APBB2: variants seen among roughly 807,000 people sequenced by gnomAD.
The protein encoded by APBB2 is Fe65-like 1.
APBB2 carries 38 observed loss-of-function variants against 82.5 expected under a neutral mutation model. That is an observed-to-expected ratio of 0.46 (90% confidence interval 0.36 to 0.60). APBB2 has a LOEUF of 0.60. Among genes scored for constraint, APBB2 ranks in the 20% least tolerant of loss-of-function variants. APBB2 has a pLI of 0.00. For missense variants in APBB2, 772 were observed against 972.3 expected (o/e 0.79, Z 2.74); for synonymous variants, 341 against 368.2 (o/e 0.93, Z 0.85).
At chr4:40,884,398 T>C (rs1314943542) in intron 12 of APBB2, among the ~76,000 whole-genome samples, 1 of 152,206 alleles carries the variant, frequency 6.6e-6, no homozygotes, top group East Asian at 1.9e-4. Context: ...AATTAAGCAG[T>C]GTTTTCAAAA....
At chr4:41,149,120 C>T (rs1037753258) in intron 1 of APBB2, among the ~76,000 whole-genome samples, 3 of 152,058 alleles carry the variant, frequency 2.0e-5, no homozygotes, top group African/African-American at 7.2e-5. Context: ...TGAGGGATTA[C>T]AATTTATGTG....
chr4:40,835,376 G>T (rs2154306490), intron 12 of APBB2, among the ~76,000 whole-genome samples: 1 of 152,236 alleles, frequency 6.6e-6, no homozygotes, highest in Non-Finnish European at 1.5e-5. Context: ...TAAGGTTCCA[G>T]CCTTGCAAGC....
At chr4:40,894,056 A>T (rs1317189785) in intron 10 of APBB2, among the ~76,000 whole-genome samples, 1 of 151,888 alleles carries the variant, frequency 6.6e-6, no homozygotes, top group Non-Finnish European at 1.5e-5. Context: ...TGGGAGGCCG[A>T]GGTAGGCAGA....
intron 4 of APBB2, among the ~76,000 whole-genome samples, chr4:41,048,704 G>A (rs941064485): frequency 8.3e-6 from 1 of 120,776 alleles, no homozygotes; most frequent in South Asian, 3.1e-4. Flanking sequence ...CTCCTTCCAC[G>A]GTCTCCCTCT....
intron 6 of APBB2, among the ~76,000 whole-genome samples, chr4:41,012,780 GT>G (rs1333319445): frequency 6.6e-6 from 1 of 152,214 alleles, no homozygotes; most frequent in East Asian, 1.9e-4. Flanking sequence ...CTGAGTGCTT[GT>G]TTACGCTGAA....
chr4:40,902,731 T>C (rs1775668754), intron 10 of APBB2, among the ~76,000 whole-genome samples: 1 of 152,154 alleles, frequency 6.6e-6, no homozygotes, highest in South Asian at 2.1e-4. Context: ...GATCTTGCCA[T>C]GTTGCCCAGG....
chr4:41,108,642 TACACTGA>T (rs1748092067), intron 2 of APBB2, among the ~76,000 whole-genome samples: 1 of 152,170 alleles, frequency 6.6e-6, no homozygotes. Flanking sequence ...TTTCCAGATT[TACACTGA>T]CCAAACACCC....
At chr4:41,018,738 G>A (rs2154432222) in intron 5 of APBB2, among the ~76,000 whole-genome samples, 1 of 152,292 alleles carries the variant, frequency 6.6e-6, no homozygotes, top group East Asian at 1.9e-4. Context: ...AGTGGAAAGA[G>A]GTACACAGAC....
At chr4:40,921,872 G>C (rs1003936969) in intron 10 of APBB2, among the ~76,000 whole-genome samples, 1 of 152,178 alleles carries the variant, frequency 6.6e-6, no homozygotes, top group African/African-American at 2.4e-5. Context: ...CCTGACCATT[G>C]GTAATGTGGC....
chr4:41,063,521 C>T (rs992303894), intron 4 of APBB2, among the ~76,000 whole-genome samples: 1 of 152,056 alleles, frequency 6.6e-6, no homozygotes, highest in Non-Finnish European at 1.5e-5. Context: ...AGCTGTTTAC[C>T]CCAACACTGC....
intron 12 of APBB2, among the ~76,000 whole-genome samples, chr4:40,839,270 C>T (rs1468334343): frequency 2.0e-5 from 3 of 151,860 alleles, no homozygotes; most frequent in Middle Eastern, 3.4e-3. Flanking sequence ...AAATGATGAA[C>T]GCAACCTTGC....
At chr4:40,889,954 CCCTTGATGAAGAGAACAGCAGCAGGAGGG>C (rs1241876208) in intron 12 of APBB2, among the ~76,000 whole-genome samples, 2 of 152,106 alleles carry the variant, frequency 1.3e-5, no homozygotes, top group African/African-American at 4.8e-5. Flanking sequence ...CTCAAGTAAG[CCCTTGATGAAGAGAACAGCAGCAGGAGGG>C]CCTCTGAAAT....
chr4:41,019,666 G>C (rs547097561), intron 5 of APBB2, among the ~76,000 whole-genome samples: 1 of 152,252 alleles, frequency 6.6e-6, no homozygotes. Flanking sequence ...AGGAAATCAG[G>C]GGACTGCACA....
rs375203742 is a variant in APBB2, at chr4:40,823,635, C to G, written c.1932+9G>C. 9 of 1,586,934 alleles carry G rather than the reference C, an allele frequency of 5.7e-6. No homozygotes were observed. Among genetic ancestry groups the G allele is most frequent in the African/African-American group, 2.7e-5 (2 of 74,380 alleles). On this transcript the variant is annotated intron_variant, in intron 16 of 17. Coordinates refer to ENST00000508593, the MANE Select transcript of APBB2 (RefSeq NM_004307.2). The stretch of plus-strand genomic sequence containing the variant: ...AGACACACCAATGTCATCGAAGATT[C>G]CTTCTCACCTTTTCACTGATGACAG...
chr4:40,880,466 A>C (rs2154345605), intron 12 of APBB2: 6 of 985,436 alleles, frequency 6.1e-6, no homozygotes, highest in Non-Finnish European at 7.2e-6. Flanking sequence ...GCAATTCTTC[A>C]AGCACCAAAC....
At chr4:40,953,459 G>T (rs545527774) in intron 6 of APBB2, among the ~76,000 whole-genome samples, 177 of 152,138 alleles carry the variant, frequency 1.2e-3, no homozygotes, top group African/African-American at 4.0e-3. Flanking sequence ...GTCAACTGGT[G>T]TGTCATTGCA....
At chr4:40,831,570 T>A (rs1751916465) in intron 12 of APBB2, among the ~76,000 whole-genome samples, 1 of 152,096 alleles carries the variant, frequency 6.6e-6, no homozygotes, top group Non-Finnish European at 1.5e-5. Context: ...AATCGCAAGA[T>A]GATATAATGA....
intron 12 of APBB2, among the ~76,000 whole-genome samples, chr4:40,853,574 C>T (rs1343834805): frequency 6.6e-6 from 1 of 152,038 alleles, no homozygotes; most frequent in Admixed American, 6.6e-5. Flanking sequence ...CTCAGCCTCA[C>T]GAGCAGCTGG....
intron 4 of APBB2, among the ~76,000 whole-genome samples, chr4:41,034,532 C>A (rs1718375756): frequency 6.6e-6 from 1 of 152,198 alleles, no homozygotes; most frequent in Non-Finnish European, 1.5e-5. Flanking sequence ...ACCATGTTGA[C>A]CAGGTTGGTC....
Sources: allele counts gnomAD v4.1 joint callset (sites outside exome capture counted in the v4.1 genomes callset), GRCh38; gene constraint gnomAD v4.1.1; transcripts MANE v1.5; gene names NCBI Gene and HGNC (gene_info 2026-07-23, HGNC 2026-07-21).